The following ABCF3 variants were observed in gnomAD, a reference collection of about 807,000 sequenced individuals.
The protein encoded by ABCF3 is ATP-binding cassette sub-family F member 3.
In ABCF3, 62 loss-of-function variants were observed where a neutral mutation model predicts 94.3. The ratio of observed to expected loss-of-function variants is 0.66; its 90% CI spans 0.54 to 0.81. The LOEUF is 0.81. ABCF3 is among the 40% of genes least tolerant of loss of function. The pLI, the probability that ABCF3 is intolerant of heterozygous loss-of-function variation, is 0.00. For missense variants in ABCF3, 843 were observed against 925.3 expected, an observed-to-expected ratio of 0.91 and a Z score of 1.15; for synonymous variants, 355 against 361.1, an observed-to-expected ratio of 0.98 and a Z score of 0.19.
At position 184,193,331 on chromosome 3, in the gene ABCF3, C is replaced by T. The variant is rs946758444; in HGVS notation, c.1884-34C>T. ...GGCTTTATTTTCTCTCACCGCACCC[C>T]TTCACTGCCCACCTTCCTGGTTCTG... On this transcript the variant is annotated intron_variant, in intron 19 of 20. Coordinates refer to ENST00000429586, the MANE Select transcript of ABCF3 (RefSeq NM_018358.3). This position sits in a 1 kb window ranked among gnomAD's most constrained non-coding sequence, Gnocchi z 5.2. 1 of 1,614,100 alleles carries T rather than the reference C, an allele frequency of 6.2e-7. No individual in the cohort carries two copies. Among genetic ancestry groups the T allele is most frequent in the Non-Finnish European group, 8.5e-7 (1 of 1,179,972 alleles).
In ABCF3 at chr3:184,187,966, T is replaced by A. The variant is rs1330498916; in HGVS notation, c.552T>A (p.Asp184Glu). 6.2e-7 allele frequency: 1 copy of A among 1,613,990 alleles called. No individual in the cohort carries two copies. The highest frequency in any genetic ancestry group is 1.7e-5 in the Admixed American group (1 of 60,022). The change falls in exon 6 of 21, where the codon GAT (aspartate) becomes GAA (glutamate). Residue 184 changes from aspartate (D) to glutamate (E), a missense_variant. By Grantham distance (45) the Asp-to-Glu change is conservative. Transcript: ENST00000429586. ...KSYDVRIENF[D>E]VSFGDRVLLA... Reference sequence around the variant, plus strand: ...ATGATGTGCGAATTGAGAACTTTGATGTGTCTTTTGGCGATAGGTGAGGGA... The same window carrying A: ...ATGATGTGCGAATTGAGAACTTTGAAGTGTCTTTTGGCGATAGGTGAGGGA...
intron 1 of ABCF3, 35 bp from the exon 2 acceptor site, chr3:184,186,472 C>G (rs776639755): frequency 2.5e-6 from 4 of 1,594,518 alleles, no homozygotes. Context: ...TCCACCCTAC[C>G]CGATACCTTC....
At position 184,193,127 on chromosome 3, in the gene ABCF3, C is replaced by G. The variant is rs748045117; in HGVS notation, c.1776C>G (p.His592Gln). 1.9e-6 allele frequency: 3 copies of G among 1,548,730 alleles called. No individual in the cohort carries two copies. Among genetic ancestry groups the G allele is most frequent in the Non-Finnish European group, 2.6e-6 (3 of 1,149,156 alleles). ...FPGRPEEEYRHQLGRYGISGE... is the reference protein window; with the variant it reads ...FPGRPEEEYRQQLGRYGISGE... The stretch of plus-strand genomic sequence containing the variant: ...GGCGGCCTGAGGAGGAGTACCGTCA[C>G]CAGCTGGGTCGGTATGGCATCTCCG... Residue 592 changes from histidine to glutamine, a missense_variant, in exon 19 of 21, where the codon CAC becomes CAG. Coordinates refer to ENST00000429586, the MANE Select transcript of ABCF3 (RefSeq NM_018358.3). The surrounding 1 kb of genome is among the most constrained non-coding windows in gnomAD (Gnocchi z 5.2).
chr3:184,186,764 T>A, intron 2 of ABCF3, 32 bp from the exon 3 acceptor site: 1 of 1,607,638 alleles, frequency 6.2e-7, no homozygotes, highest in Non-Finnish European at 8.5e-7. Context: ...CCTCAACTCC[T>A]AACTCTGCGC....
Position 184,192,879 on chromosome 3 carries a change from T to C in ABCF3, c.1733T>C (p.Leu578Pro). Residue 578 changes from leucine (L) to proline (P), a missense_variant, in exon 18 of 21, where the codon CTG (leucine) becomes CCG (proline). Physicochemically the swap from Leu to Pro is moderately conservative, Grantham distance 98 (BLOSUM62 -3). Coordinates refer to ENST00000429586, the MANE Select transcript of ABCF3 (RefSeq NM_018358.3). ...LDLNVSAVEL[L>P]ARKFPGRPEE... is the part of the protein sequence containing the mutation. ...CTAAACGTCAGTGCTGTGGAACTGC[T>C]GGCACGCAAGTTTCCTGGTGAGTTA... 6.2e-7 allele frequency: 1 copy of C among 1,614,136 alleles called. No homozygotes were observed. Among genetic ancestry groups the C allele is most frequent in the Non-Finnish European group, 8.5e-7 (1 of 1,179,966 alleles).
rs757853660 is a variant in ABCF3 at position 184,186,609 on chromosome 3, C to T, written c.176C>T (p.Ala59Val). The T allele has an allele frequency of 1.2e-6, 2 of 1,613,716 alleles. No individual in the cohort carries two copies. Among genetic ancestry groups the T allele is most frequent in the South Asian group, 2.2e-5 (2 of 91,026 alleles). The change falls in exon 2 of 21, where the codon GCG (alanine) becomes GTG (valine). Residue 59 changes from alanine (A) to valine (V), a missense_variant. Physicochemically the swap from Ala to Val is moderately conservative, Grantham distance 64. Coordinates refer to ENST00000429586, the MANE Select transcript of ABCF3 (RefSeq NM_018358.3). ...GTGTCCGGGGACAGCAAGGATGACGCGGGCATCAGGGCCGTGTGCCAGCGC... is the reference window on the plus strand; with the variant it reads ...GTGTCCGGGGACAGCAAGGATGACGTGGGCATCAGGGCCGTGTGCCAGCGC... Reference protein sequence around the residue: ...QEVSGDSKDDAGIRAVCQRMY... With the variant: ...QEVSGDSKDDVGIRAVCQRMY...
At chr3:184,190,146 T>C in intron 14 of ABCF3, 1 of 597,652 alleles carries the variant, frequency 1.7e-6, no homozygotes, top group South Asian at 2.0e-5. Context: ...CTGTTTCTGC[T>C]TCTACGTATC....
In ABCF3 at chr3:184,193,083, C is replaced by T; in HGVS notation, c.1751-19C>T. 6.5e-7 allele frequency: 1 copy of T among 1,535,362 alleles called. No individual in the cohort carries two copies. Among genetic ancestry groups the T allele is most frequent in the Non-Finnish European group, 8.8e-7 (1 of 1,142,578 alleles). On this transcript the variant is annotated intron_variant, in intron 18 of 20. Coordinates refer to ENST00000429586, the MANE Select transcript of ABCF3 (RefSeq NM_018358.3). This position sits in a 1 kb window ranked among gnomAD's most constrained non-coding sequence, Gnocchi z 5.2. ...GTGTTGGGCCAAGAAGCCACCTGAT[C>T]TGGGGAGTCCTTTTCCAGGGCGGCC... is the stretch of plus-strand genomic sequence containing the variant.
intron 1 of ABCF3, 88 bp from the exon 2 acceptor site, chr3:184,186,419 C>T: frequency 6.3e-7 from 1 of 1,581,522 alleles, no homozygotes; most frequent in Admixed American, 1.7e-5. Flanking sequence ...GGGTCTGGAG[C>T]CTGGACTGGG....
chr3:184,192,975 T>C (rs1716123571), intron 18 of ABCF3, 79 bp downstream of exon 18: 5 of 1,586,538 alleles, frequency 3.2e-6, no homozygotes, highest in Non-Finnish European at 4.3e-6. Context: ...TAGGCCTGCC[T>C]TGGGGTGCGT....
At chr3:184,187,508 G>A in intron 4 of ABCF3, 65 bp downstream of exon 4, 1 of 1,568,284 alleles carries the variant, frequency 6.4e-7, no homozygotes, top group East Asian at 2.2e-5. Context: ...TGTCTAATTG[G>A]AGTATCTTTT....
chr3:184,186,479 C>T (rs1577064622), intron 1 of ABCF3, 28 bp from the exon 2 acceptor site: 3 of 1,597,046 alleles, frequency 1.9e-6, no homozygotes, highest in South Asian at 2.3e-5. Context: ...TACCCGATAC[C>T]TTCCTCGTTC....
chr3:184,188,181 C>T lies in ABCF3; in HGVS notation c.610C>T (p.Arg204Cys), dbSNP rs748060492. ...AGCGGATGTGAACCTGGCATGGGGC[C>T]GCCGTTACGGGCTGGTGGGGCGGAA... The part of the protein sequence containing the change: ...AGADVNLAWG[R>C]RYGLVGRNGL... The change falls in exon 7 of 21, where the codon CGC becomes TGC. Residue 204 changes from arginine to cysteine, a missense_variant. By Grantham distance (180) the Arg-to-Cys change is radical (BLOSUM62 -3). Transcript: ENST00000429586. 75 of 1,613,898 alleles carry T rather than the reference C, an allele frequency of 4.6e-5. No homozygotes were observed. Among genetic ancestry groups the T allele is most frequent in the Non-Finnish European group, 5.9e-5 (70 of 1,180,048 alleles).
chr3:184,192,484 C>G, intron 16 of ABCF3, 117 bp from the exon 17 acceptor site: 1 of 992,464 alleles, frequency 1.0e-6, no homozygotes, highest in South Asian at 1.6e-5. Context: ...CTCTAGTAAC[C>G]ACAACTCTGC....
intron 4 of ABCF3, 79 bp from the exon 5 acceptor site, chr3:184,187,585 G>A (rs1450394509): frequency 4.5e-6 from 7 of 1,570,998 alleles, no homozygotes; most frequent in East Asian, 4.5e-5. Flanking sequence ...AGTTAAGAGG[G>A]TTTACTCGAG....
chr3:184,189,713 C>T lies in ABCF3; in HGVS notation c.1270C>T (p.Gln424Ter), dbSNP rs752993916. Reference sequence around the variant, plus strand: ...TAAGCAGGAGCGGCTGCTCAACCAGCAGCGTGAATATGAGGCGCAGCAGCA... The same window carrying T: ...TAAGCAGGAGCGGCTGCTCAACCAGTAGCGTGAATATGAGGCGCAGCAGCA... Reference protein sequence around the residue: ...KSKQERLLNQQREYEAQQQYR... With the variant: ...KSKQERLLNQ The change falls in exon 13 of 21, where the codon CAG becomes TAG. Residue 424 changes from glutamine to a stop codon, truncating the protein, a stop_gained. Transcript: ENST00000429586. LOFTEE classifies it high-confidence loss of function. 2 of 1,614,048 alleles carry T rather than the reference C, an allele frequency of 1.2e-6. No individual in the cohort carries two copies. The highest frequency in any genetic ancestry group is 8.5e-7 in the Non-Finnish European group (1 of 1,180,012).
In ABCF3 at chr3:184,189,597, A is replaced by G. The variant is rs200044199; in HGVS notation, c.1154A>G (p.Asn385Ser). 3.0e-5 allele frequency: 49 copies of G among 1,614,132 alleles called. No individual in the cohort carries two copies. The East Asian group carries it at 9.1e-4, about 30-fold the overall frequency. ...STILVVSHDR[N>S]FLNAIATDII... ...ATCCTAGTCGTCTCCCACGACCGCA[A>G]CTTCTTGAATGCCATCGCCACAGAC... Residue 385 changes from asparagine to serine, a missense_variant, in exon 13 of 21, where the codon AAC (asparagine) becomes AGC (serine). Transcript: ENST00000429586.
rs1461412671 is a variant in ABCF3, at chr3:184,193,556, T to C, written c.1988T>C (p.Val663Ala). 1.2e-6 allele frequency: 2 copies of C among 1,614,178 alleles called. No individual in the cohort carries two copies. Among genetic ancestry groups the C allele is most frequent in the East Asian group, 2.2e-5 (1 of 44,882 alleles). The change falls in exon 21 of 21, where the codon GTG becomes GCG. Residue 663 changes from valine to alanine, a missense_variant. Physicochemically the swap from Val to Ala is moderately conservative, Grantham distance 64. Coordinates refer to ENST00000429586, the MANE Select transcript of ABCF3 (RefSeq NM_018358.3). The surrounding 1 kb of genome is among the most constrained non-coding windows in gnomAD (Gnocchi z 5.2). Reference protein sequence around the residue: ...LNNFRGGVILVSHDERFIRLV... With the variant: ...LNNFRGGVILASHDERFIRLV... ...GTCTTTCAGGGTGGTGTGATTCTGG[T>C]GTCCCACGATGAGCGCTTTATCAGG...
chr3:184,186,992 C>A, intron 3 of ABCF3, 117 bp downstream of exon 3: 1 of 1,084,624 alleles, frequency 9.2e-7, no homozygotes, highest in Non-Finnish European at 1.3e-6. Flanking sequence ...GTTGTAGGAG[C>A]TAGTTGATGT....
Sources: gnomAD v4.1 joint callset for allele counts on GRCh38, gnomAD v4.1.1 for gene constraint, Gnocchi (gnomAD v3.1) non-coding constraint, MANE v1.5 for transcripts, NCBI Gene and HGNC (gene_info 2026-07-23, HGNC 2026-07-21) for gene names.